PLCB1: variants seen among roughly 807,000 people sequenced by gnomAD.
PLCB1 encodes phospholipase C beta 1.
In PLCB1, 46 loss-of-function variants were observed where a neutral mutation model predicts 161.8. The observed-to-expected ratio is 0.28, with a 90% CI of 0.22 to 0.36. The LOEUF (loss-of-function observed/expected upper bound fraction) is 0.36. PLCB1 is among the 10% of genes least tolerant of loss of function. The pLI is 1.00. For missense variants in PLCB1, 1,016 were observed against 1,472.5 expected, an observed-to-expected ratio of 0.69 and a Z score of 5.07; for synonymous variants, 517 against 503.7, an observed-to-expected ratio of 1.03 and a Z score of -0.35.
In PLCB1 at chr20:8,132,346, C is replaced by A. The variant is rs956602858; in HGVS notation, c.-306C>A. The A allele has an allele frequency of 2.1e-5, 5 of 234,706 alleles. No individual in the cohort carries two copies. Among genetic ancestry groups the A allele is most frequent in the African/African-American group, 1.1e-4 (5 of 43,764 alleles). The allele number at this position is 234,706 out of a possible 1,614,324, so 14.5% of individuals were successfully genotyped here. A position where few individuals can be genotyped will look rare whatever the true frequency, so the allele number is the denominator to read the frequency against. On this transcript the variant is annotated 5_prime_UTR_variant, in exon 1 of 32. Coordinates refer to ENST00000338037, the MANE Select transcript of PLCB1 (RefSeq NM_015192.4). This position sits in a 1 kb window ranked among gnomAD's most constrained non-coding sequence, Gnocchi z 5.2. Reference sequence around the variant, plus strand: ...GCGGCGGCGGAGGAGCAGAATCCGCCGCGACTGGCAGCCTCGGCTGACCGG... The same window carrying A: ...GCGGCGGCGGAGGAGCAGAATCCGCAGCGACTGGCAGCCTCGGCTGACCGG...
intron 2 of PLCB1, among the ~76,000 whole-genome samples, chr20:8,276,971 C>A (rs1254097185): frequency 0.015 from 1,672 of 107,948 alleles, 16 homozygotes; most frequent in Admixed American, 0.033. Flanking sequence ...TCTTCTTCTT[C>A]TTCTTCTTCT....
chr20:8,805,167 A>T (rs981420), intron 31 of PLCB1, among the ~76,000 whole-genome samples: 10,974 of 152,248 alleles, frequency 0.072, 1,087 homozygotes, highest in African/African-American at 0.22. Flanking sequence ...GCAAATCTTC[A>T]TTGGTGAAAA....
chr20:8,680,957 T>G (rs1389975823), intron 9 of PLCB1, among the ~76,000 whole-genome samples: 1 of 151,148 alleles, frequency 6.6e-6, no homozygotes, highest in African/African-American at 2.4e-5. Flanking sequence ...TTTTGGTTTT[T>G]GGTTTATTTG....
intron 2 of PLCB1, among the ~76,000 whole-genome samples, chr20:8,200,258 A>T (rs1402295594): frequency 6.6e-6 from 1 of 152,026 alleles, no homozygotes; most frequent in African/African-American, 2.4e-5. Context: ...CATACTAGAA[A>T]ATCCATTGTT....
chr20:8,675,662 C>T (rs958017644), intron 9 of PLCB1, among the ~76,000 whole-genome samples: 1 of 152,150 alleles, frequency 6.6e-6, no homozygotes, highest in Non-Finnish European at 1.5e-5. Flanking sequence ...GTAGATTGAA[C>T]ATATTCAACT....
intron 3 of PLCB1, among the ~76,000 whole-genome samples, chr20:8,610,699 A>G (rs894665571): frequency 6.6e-6 from 1 of 152,010 alleles, no homozygotes; most frequent in Non-Finnish European, 1.5e-5. Context: ...TGTAGCACGA[A>G]GTTTTTGTTT....
Position 8,134,477 on chromosome 20 carries a change from A to C in PLCB1, c.99+1727A>C, listed in dbSNP as rs144376907. Among the ~76,000 whole-genome samples the C allele has an allele frequency of 2.6e-3, 402 of 152,352 alleles. 1 individual carries two copies. The highest frequency in any genetic ancestry group is 0.024 in the Middle Eastern group (7 of 294). On this transcript the variant is annotated intron_variant, in intron 1 of 31. Coordinates refer to ENST00000338037, the MANE Select transcript of PLCB1 (RefSeq NM_015192.4). ...TTTGGGAGAGAATAGCCAACATCAC[A>C]TTGAGAATGAAAGTATTCTATGAAA...
At chr20:8,588,113 G>A (rs1034210514) in intron 3 of PLCB1, among the ~76,000 whole-genome samples, 6 of 152,164 alleles carry the variant, frequency 3.9e-5, no homozygotes, top group African/African-American at 1.4e-4. Flanking sequence ...TTTAATACAT[G>A]CTTATTGAAT....
chr20:8,821,296 T>A (rs1985343076), intron 31 of PLCB1, among the ~76,000 whole-genome samples: 1 of 150,990 alleles, frequency 6.6e-6, no homozygotes, highest in East Asian at 2.0e-4. Context: ...CTGGCCAAAA[T>A]GGTGAAACCA....
chr20:8,361,283 C>T (rs1046472265), intron 2 of PLCB1, among the ~76,000 whole-genome samples: 1 of 152,088 alleles, frequency 6.6e-6, no homozygotes, highest in African/African-American at 2.4e-5. Flanking sequence ...TTTCTCATTG[C>T]TCTTAGAATT....
At chr20:8,177,172 T>A (rs1045544667) in intron 2 of PLCB1, among the ~76,000 whole-genome samples, 4 of 151,950 alleles carry the variant, frequency 2.6e-5, no homozygotes, top group Non-Finnish European at 5.9e-5. Flanking sequence ...AAAAGGTGAG[T>A]CTTTTGGGAA....
At chr20:8,851,029 C>A (rs1445162000) in intron 31 of PLCB1, among the ~76,000 whole-genome samples, 2 of 152,158 alleles carry the variant, frequency 1.3e-5, no homozygotes, top group African/African-American at 4.8e-5. Flanking sequence ...GTTCTTTCAT[C>A]TTCTTGTTGA....
At chr20:8,606,246 C>A (rs1010769735) in intron 3 of PLCB1, among the ~76,000 whole-genome samples, 6 of 152,106 alleles carry the variant, frequency 3.9e-5, no homozygotes, top group African/African-American at 1.4e-4. Flanking sequence ...AGTAAAAAGA[C>A]CTAAGTCAAT....
intron 9 of PLCB1, among the ~76,000 whole-genome samples, chr20:8,663,191 T>G (rs1305529806): frequency 6.6e-6 from 1 of 151,564 alleles, no homozygotes; most frequent in Non-Finnish European, 1.5e-5. Context: ...ATATAACATA[T>G]ATATACACAC....
intron 4 of PLCB1, among the ~76,000 whole-genome samples, chr20:8,638,189 C>T (rs1040005371): frequency 6.6e-6 from 1 of 152,272 alleles, no homozygotes; most frequent in Admixed American, 6.5e-5. Context: ...CCACCGCACC[C>T]AGCCAAAAAC....
chr20:8,412,861 G>C (rs1568666259), intron 3 of PLCB1, among the ~76,000 whole-genome samples: 1 of 151,446 alleles, frequency 6.6e-6, no homozygotes, highest in Non-Finnish European at 1.5e-5. Flanking sequence ...GCATGTTAAC[G>C]ATGCCTATAT....
chr20:8,260,061 C>G (rs1403343220), intron 2 of PLCB1, among the ~76,000 whole-genome samples: 1 of 151,854 alleles, frequency 6.6e-6, no homozygotes, highest in Non-Finnish European at 1.5e-5. Flanking sequence ...AAGACTACTA[C>G]ATTCTTTTTC....
chr20:8,418,739 G>C (rs931311394), intron 3 of PLCB1, among the ~76,000 whole-genome samples: 2 of 152,114 alleles, frequency 1.3e-5, no homozygotes, highest in Non-Finnish European at 2.9e-5. Context: ...TTTAATGGTA[G>C]TCTAATTTTC....
At chr20:8,282,747 G>C (rs1982931208) in intron 2 of PLCB1, among the ~76,000 whole-genome samples, 1 of 152,078 alleles carries the variant, frequency 6.6e-6, no homozygotes, top group Non-Finnish European at 1.5e-5. Context: ...TGGACTATAA[G>C]CCAAAGTTGG....
Sources: gnomAD v4.1 joint callset for allele counts (sites outside exome capture counted in the v4.1 genomes callset) on GRCh38, gnomAD v4.1.1 for gene constraint, Gnocchi (gnomAD v3.1) non-coding constraint, MANE v1.5 for transcripts, NCBI Gene and HGNC (gene_info 2026-07-23, HGNC 2026-07-21) for gene names.